UTRN: variants seen among roughly 807,000 people sequenced by gnomAD.
UTRN encodes the protein utrophin.
Under a neutral mutation model 463.9 loss-of-function variants are expected in UTRN, and 283 were observed. The ratio of observed to expected loss-of-function variants is 0.61; its 90% CI spans 0.55 to 0.67. The LOEUF is 0.67. Ranked by LOEUF, UTRN falls within the 30% of genes least tolerant of loss-of-function variation. The pLI is 0.00. For synonymous variants in UTRN, 1,442 were observed against 1,431.5 expected (o/e 1.01, Z -0.17); for missense variants, 3,922 against 4,084.3 (o/e 0.96, Z 1.08).
At chr6:144,473,519 G>C (rs1790878811) in intron 23 of UTRN, among the ~76,000 whole-genome samples, 1 of 152,144 alleles carries the variant, frequency 6.6e-6, no homozygotes, top group Non-Finnish European at 1.5e-5. Context: ...TTACTAACCT[G>C]TCATCTCTTG....
chr6:144,702,611 G>A (rs1784705320), intron 53 of UTRN, among the ~76,000 whole-genome samples: 1 of 152,158 alleles, frequency 6.6e-6, no homozygotes, highest in African/African-American at 2.4e-5. Context: ...ATAGGCCAAG[G>A]TGCTATTTTA....
intron 14 of UTRN, 135 bp downstream of exon 14, chr6:144,444,517 A>T (rs963329946): frequency 2.0e-6 from 1 of 502,278 alleles, no homozygotes; most frequent in South Asian, 2.8e-5. Context: ...TTAAAGATCA[A>T]ATTTCTATCC....
At chr6:144,403,256 C>A in intron 3 of UTRN, 72 bp downstream of exon 3, 2 of 1,389,934 alleles carry the variant, frequency 1.4e-6, no homozygotes, top group South Asian at 2.4e-5. Context: ...GTTGGAAGTG[C>A]AGTGAATTTT....
intron 19 of UTRN, among the ~76,000 whole-genome samples, chr6:144,455,090 C>CATATATACACACACAAACATATATAG: frequency 6.6e-6 from 1 of 151,914 alleles, no homozygotes; most frequent in South Asian, 2.1e-4. Flanking sequence ...CACACAGAAA[C>CATATATACACACACAAACATATATAG]ATATATACAC....
At chr6:144,373,330 T>A (rs571393198) in intron 2 of UTRN, among the ~76,000 whole-genome samples, 1 of 152,316 alleles carries the variant, frequency 6.6e-6, no homozygotes, top group African/African-American at 2.4e-5. Context: ...GGAGTATTAT[T>A]CAGCCATACA....
In UTRN at chr6:144,624,131, A is replaced by G. The variant is rs975807496; in HGVS notation, c.7479+46843A>G. Among the ~76,000 whole-genome samples the G allele has an allele frequency of 2.0e-5, 3 of 152,166 alleles. No individual in the cohort carries two copies. The East Asian group carries it at 5.8e-4, about 29-fold the overall frequency. On this transcript the variant is annotated intron_variant, in intron 51 of 74. Coordinates refer to ENST00000367545, the MANE Select transcript of UTRN (RefSeq NM_007124.3). The stretch of plus-strand genomic sequence containing the variant: ...GCTTGATTAGTGGCTTGGGAATGGG[A>G]TGAAGCCAGTGTTGCCAAGTAGTGT...
chr6:144,530,744 TTG>T (rs1304978935), intron 41 of UTRN, among the ~76,000 whole-genome samples: 2 of 151,774 alleles, frequency 1.3e-5, no homozygotes, highest in East Asian at 3.9e-4. Context: ...GTGAGTGTGT[TTG>T]TGAGTGTGTA....
At chr6:144,596,019 T>A (rs1439184571) in intron 51 of UTRN, among the ~76,000 whole-genome samples, 1 of 152,206 alleles carries the variant, frequency 6.6e-6, no homozygotes, top group Non-Finnish European at 1.5e-5. Context: ...TTGCTTCTAA[T>A]GGAAGCCTAA....
intron 41 of UTRN, among the ~76,000 whole-genome samples, chr6:144,527,671 G>C (rs1047635996): frequency 6.6e-6 from 1 of 152,126 alleles, no homozygotes; most frequent in Non-Finnish European, 1.5e-5. Flanking sequence ...CTTCATGGAG[G>C]CTTTGTTCAT....
chr6:144,294,586 G>T (rs1032215439), intron 2 of UTRN, among the ~76,000 whole-genome samples: 2 of 151,220 alleles, frequency 1.3e-5, no homozygotes, highest in African/African-American at 4.9e-5. Context: ...GCTCTTCCAG[G>T]TTTCTTTTTT....
rs892441809 is a variant in UTRN at position 144,462,160 on chromosome 6, AT to A, written c.2854-485del. ...CCACTTATAAGTGAGAATATGCGGT[AT>A]TTTTTTTTGTTGTTTCTGAATTAGT... On this transcript the variant is annotated intron_variant, in intron 22 of 74. Coordinates refer to ENST00000367545, the MANE Select transcript of UTRN (RefSeq NM_007124.3). Among the ~76,000 whole-genome samples the A allele has an allele frequency of 3.6e-4, 54 of 151,040 alleles. No homozygotes were observed. In the East Asian group the frequency reaches 9.5e-3, roughly 27 times the overall value.
At chr6:144,318,652 T>C (rs1775433183) in intron 2 of UTRN, among the ~76,000 whole-genome samples, 1 of 152,112 alleles carries the variant, frequency 6.6e-6, no homozygotes, top group Non-Finnish European at 1.5e-5. Context: ...TTAGTAGAGA[T>C]GGGGTTTCAT....
In UTRN at chr6:144,839,250, T is replaced by C; in HGVS notation, c.10143T>C (p.Asp3381=). Residue 3381 remains aspartate, a synonymous_variant, in exon 72 of 75, where the codon GAT becomes GAC. Transcript: ENST00000367545. ...ATTCTGCACTGAGCTACTCGCTTGA[T>C]CCAGATGCCTCCGGCCCACAGTTCC... ...PQHSALSYSL[D]PDASGPQFHQ... is the part of the protein sequence containing the mutation. 1 of 1,613,956 alleles carries C rather than the reference T, an allele frequency of 6.2e-7. No individual in the cohort carries two copies. The highest frequency in any genetic ancestry group is 8.5e-7 in the Non-Finnish European group (1 of 1,179,956).
chr6:144,686,350 G>T lies in UTRN; in HGVS notation c.7652+7772G>T, dbSNP rs866748427. Among the ~76,000 whole-genome samples the T allele has an allele frequency of 9.9e-5, 15 of 152,240 alleles. No individual in the cohort carries two copies. In the Middle Eastern group the frequency reaches 0.014, roughly 138 times the overall value. On this transcript the variant is annotated intron_variant, in intron 52 of 74. Transcript: ENST00000367545. ...AGAATGTTCCATATGCTGATGAGAG[G>T]ATTGTATATTCTTCAGTTCTTGAGT... is the stretch of plus-strand genomic sequence containing the variant.
chr6:144,375,739 C>T (rs1780396844), intron 2 of UTRN, among the ~76,000 whole-genome samples: 2 of 152,144 alleles, frequency 1.3e-5, no homozygotes, highest in Non-Finnish European at 2.9e-5. Flanking sequence ...TCTAGCCTTG[C>T]CCTGCCAGGC....
intron 34 of UTRN, among the ~76,000 whole-genome samples, chr6:144,502,214 C>A (rs1163004411): frequency 6.6e-6 from 1 of 151,786 alleles, no homozygotes. Flanking sequence ...CACCTCAACT[C>A]CAGGTTCATT....
At chr6:144,676,258 C>T (rs1305800450) in intron 51 of UTRN, among the ~76,000 whole-genome samples, 1 of 152,066 alleles carries the variant, frequency 6.6e-6, no homozygotes, top group East Asian at 1.9e-4. Context: ...TTTTCTGTTA[C>T]AGAAGAATTA....
chr6:144,424,390 A>G (rs548386771), intron 6 of UTRN, among the ~76,000 whole-genome samples: 1 of 152,268 alleles, frequency 6.6e-6, no homozygotes, highest in South Asian at 2.1e-4. Flanking sequence ...CTGTGTGCAT[A>G]TCTGTCAAAT....
intron 51 of UTRN, among the ~76,000 whole-genome samples, chr6:144,670,405 G>C (rs1239353675): frequency 6.6e-6 from 1 of 151,970 alleles, no homozygotes; most frequent in Admixed American, 6.6e-5. Context: ...TCATGTGTTT[G>C]TTGGCCATTT....
Sources: allele counts gnomAD v4.1 joint callset (sites outside exome capture counted in the v4.1 genomes callset), GRCh38; gene constraint gnomAD v4.1.1; transcripts MANE v1.5; gene names NCBI Gene and HGNC (gene_info 2026-07-23, HGNC 2026-07-21).